The following MICU1 variants were observed in gnomAD, a reference collection of about 807,000 sequenced individuals.
MICU1 encodes mitochondrial calcium uptake 1.
In MICU1, 45 loss-of-function variants were observed where a neutral mutation model predicts 56.8. That is an observed-to-expected ratio of 0.79 (90% CI 0.62 to 1.02). The LOEUF is 1.02. MICU1 is among the 50% of genes least tolerant of loss of function. MICU1 has a pLI of 0.00. For synonymous variants in MICU1, 186 were observed against 195.1 expected (o/e 0.95, Z 0.39); for missense variants, 504 against 587.1 (o/e 0.86, Z 1.46).
At chr10:72,387,127 T>C (rs540064311) in intron 10 of MICU1, among the ~76,000 whole-genome samples, 8 of 152,334 alleles carry the variant, frequency 5.3e-5, no homozygotes, top group Non-Finnish European at 1.0e-4. Flanking sequence ...GAAATAATTT[T>C]AGGCTATGAC....
intron 7 of MICU1, chr10:72,475,975 C>T: frequency 2.3e-6 from 1 of 442,020 alleles, no homozygotes; most frequent in Admixed American, 2.5e-5. Context: ...GCCTATAATC[C>T]CAGCACTTTG....
At chr10:72,530,187 C>T (rs932455556) in intron 5 of MICU1, among the ~76,000 whole-genome samples, 8 of 150,764 alleles carry the variant, frequency 5.3e-5, no homozygotes, top group East Asian at 1.9e-4. Context: ...AAAATTTAGC[C>T]GGGTGTGGTG....
At chr10:72,506,662 TTCATGATGTC>T (rs1294186240) in intron 6 of MICU1, among the ~76,000 whole-genome samples, 2 of 152,224 alleles carry the variant, frequency 1.3e-5, no homozygotes, top group African/African-American at 4.8e-5. Context: ...CTACTTTATA[TTCATGATGTC>T]ATCATTCTCA....
intron 7 of MICU1, 107 bp downstream of exon 7, chr10:72,477,067 T>C (rs1866146984): frequency 4.2e-6 from 3 of 712,682 alleles, no homozygotes. Flanking sequence ...ACTTCAAAAA[T>C]TGGAATAGCC....
rs368880602 is a variant in MICU1 at position 72,566,750 on chromosome 10, A to C, written c.44T>G (p.Val15Gly). 1 of 1,612,782 alleles carries C rather than the reference A, an allele frequency of 6.2e-7. No individual in the cohort carries two copies. The highest frequency in any genetic ancestry group is 8.5e-7 in the Non-Finnish European group (1 of 1,179,418). Reference sequence around the variant, plus strand: ...TCCTCCATGGTACCATCGAGAACCCACAGCCAGTTCTGCCAAAGCAGAAAG... The same window carrying C: ...TCCTCCATGGTACCATCGAGAACCCCCAGCCAGTTCTGCCAAAGCAGAAAG... ...NSLSALAELAVGSRWYHGGSQ... is the reference protein window; with the variant it reads ...NSLSALAELAGGSRWYHGGSQ... Residue 15 changes from valine to glycine, a missense_variant, in exon 2 of 12, where the codon GTG becomes GGG. Coordinates refer to ENST00000361114, the MANE Select transcript of MICU1 (RefSeq NM_001195518.2).
Position 72,562,938 on chromosome 10 carries a change from G to T in MICU1, c.287C>A (p.Pro96Gln). 1 of 1,605,636 alleles carries T rather than the reference G, an allele frequency of 6.2e-7. No homozygotes were observed. Among genetic ancestry groups the T allele is most frequent in the Non-Finnish European group, 8.5e-7 (1 of 1,176,636 alleles). The stretch of plus-strand genomic sequence containing the variant: ...AGAACGTTTCTTCTTTTTCTCTTCT[G>T]GGTGAGGGGCAAGATCTGCAGTCTT... ...EKKTADLAPH[P>Q]EEKKKKRSGF... is the part of the protein sequence containing the mutation. The change falls in exon 3 of 12, where the codon CCA (proline) becomes CAA (glutamine). Residue 96 changes from proline to glutamine, a missense_variant. Transcript: ENST00000361114.
intron 6 of MICU1, among the ~76,000 whole-genome samples, chr10:72,486,282 A>G (rs1866472024): frequency 6.6e-6 from 1 of 152,220 alleles, no homozygotes; most frequent in Non-Finnish European, 1.5e-5. Flanking sequence ...GGTTGCCAAT[A>G]GGAATATGGC....
chr10:72,555,102 G>A (rs987975926), intron 3 of MICU1, among the ~76,000 whole-genome samples: 15 of 152,078 alleles, frequency 9.9e-5, no homozygotes, highest in Admixed American at 7.2e-4. Flanking sequence ...AACTAGACTC[G>A]TGAGGAAGAA....
intron 5 of MICU1, chr10:72,532,810 A>G: frequency 2.1e-6 from 2 of 968,124 alleles, no homozygotes; most frequent in Non-Finnish European, 2.5e-6. Context: ...CTTAGCTGAG[A>G]TCTCTCCCAA....
At chr10:72,412,515 C>T (rs1316651410) in intron 9 of MICU1, among the ~76,000 whole-genome samples, 1 of 152,202 alleles carries the variant, frequency 6.6e-6, no homozygotes, top group Non-Finnish European at 1.5e-5. Flanking sequence ...ATGAATTTAA[C>T]ATTAGGAAGT....
At chr10:72,436,442 C>A (rs1864724693) in intron 8 of MICU1, among the ~76,000 whole-genome samples, 1 of 152,178 alleles carries the variant, frequency 6.6e-6, no homozygotes, top group South Asian at 2.1e-4. Flanking sequence ...GTAGATAAAA[C>A]CACAAAGATG....
intron 8 of MICU1, among the ~76,000 whole-genome samples, chr10:72,465,407 C>G (rs1865763195): frequency 6.6e-6 from 1 of 150,648 alleles, no homozygotes; most frequent in African/African-American, 2.4e-5. Context: ...CATTCTTATC[C>G]CTGGGAGATG....
chr10:72,623,828 G>A (rs764430572), intron 1 of MICU1, among the ~76,000 whole-genome samples: 2 of 152,046 alleles, frequency 1.3e-5, no homozygotes, highest in African/African-American at 2.4e-5. Context: ...AACAGAATGA[G>A]ACTCCGTCCC....
At chr10:72,426,869 T>C (rs1864363021) in intron 8 of MICU1, among the ~76,000 whole-genome samples, 1 of 152,154 alleles carries the variant, frequency 6.6e-6, no homozygotes. Flanking sequence ...ATCCCCAAGG[T>C]TGTGGGAGGA....
At chr10:72,622,043 G>A (rs1029275620) in intron 1 of MICU1, among the ~76,000 whole-genome samples, 1 of 152,014 alleles carries the variant, frequency 6.6e-6, no homozygotes, top group Non-Finnish European at 1.5e-5. Flanking sequence ...CCTCCCCGGA[G>A]TAGCTGGGAC....
intron 10 of MICU1, among the ~76,000 whole-genome samples, chr10:72,404,554 AAAG>A (rs141505561): frequency 0.071 from 10,830 of 152,162 alleles, 1,312 homozygotes; most frequent in African/African-American, 0.25. Context: ...TTTTTTTAAA[AAAG>A]AAAGAGAATT....
intron 1 of MICU1, among the ~76,000 whole-genome samples, chr10:72,615,820 C>T (rs537089857): frequency 2.2e-4 from 34 of 152,122 alleles, no homozygotes; most frequent in Admixed American, 5.2e-4. Context: ...GAAACCCTGT[C>T]TCTACTAAAA....
intron 8 of MICU1, among the ~76,000 whole-genome samples, chr10:72,453,798 TG>T (rs1470381778): frequency 1.3e-5 from 2 of 152,000 alleles, no homozygotes; most frequent in Non-Finnish European, 2.9e-5. Context: ...CCCAAAGTGC[TG>T]GGATTACAGG....
rs1434916937 is a variant in MICU1 at position 72,460,298 on chromosome 10, T to C, written c.933+14802A>G. ...ATGCACTTTTATTTATTTAAAAAGA[T>C]AGCTTGTAACCTAGAATGTACTTTT... On this transcript the variant is annotated intron_variant, in intron 8 of 11. Transcript: ENST00000361114. Among the ~76,000 whole-genome samples, 7 of 152,324 alleles carry C rather than the reference T, an allele frequency of 4.6e-5. No individual in the cohort carries two copies. The East Asian group carries it at 9.6e-4, about 21-fold the overall frequency.
Sources: gnomAD v4.1 joint callset for allele counts (sites outside exome capture counted in the v4.1 genomes callset) on GRCh38, gnomAD v4.1.1 for gene constraint, MANE v1.5 for transcripts, NCBI Gene and HGNC (gene_info 2026-07-23, HGNC 2026-07-21) for gene names.